PPIL6: variants seen among roughly 807,000 people sequenced by gnomAD.
The protein encoded by PPIL6 is probable inactive peptidyl-prolyl cis-trans isomerase-like 6.
PPIL6 carries 39 observed loss-of-function variants against 36.8 expected under a neutral mutation model. The observed-to-expected ratio is 1.06, with a 90% CI of 0.82 to 1.38. PPIL6 has a LOEUF of 1.38. PPIL6 is among the 40% of genes most tolerant of loss of function. PPIL6 has a pLI of 0.00. For missense variants in PPIL6, 368 were observed against 379.1 expected (o/e 0.97, Z 0.24); for synonymous variants, 123 against 134.1 (o/e 0.92, Z 0.57).
intron 7 of PPIL6, among the ~76,000 whole-genome samples, chr6:109,398,045 C>G (rs1475694186): frequency 6.6e-6 from 1 of 152,102 alleles, no homozygotes; most frequent in Non-Finnish European, 1.5e-5. Flanking sequence ...GTGTGTGCCA[C>G]CATGCCCAGC....
intron 6 of PPIL6, among the ~76,000 whole-genome samples, chr6:109,409,348 G>A (rs1010011673): frequency 1.3e-5 from 2 of 152,074 alleles, no homozygotes; most frequent in Non-Finnish European, 2.9e-5. Context: ...GATCACTTGA[G>A]GTCAGGAGTT....
At chr6:109,438,643 C>T (rs1774591599) in intron 1 of PPIL6, among the ~76,000 whole-genome samples, 1 of 151,678 alleles carries the variant, frequency 6.6e-6, no homozygotes, top group Non-Finnish European at 1.5e-5. Flanking sequence ...GGCTGGAGCA[C>T]AGTGGCACGA....
chr6:109,424,969 T>C (rs2115260488), intron 5 of PPIL6, among the ~76,000 whole-genome samples: 1 of 152,338 alleles, frequency 6.6e-6, no homozygotes, highest in Non-Finnish European at 1.5e-5. Flanking sequence ...ACTTTCCTAA[T>C]AAACTTACTT....
chr6:109,440,308 G>C, intron 1 of PPIL6, 148 bp downstream of exon 1: 1 of 1,038,166 alleles, frequency 9.6e-7, no homozygotes, highest in Non-Finnish European at 1.4e-6. Context: ...TCCAGACGGA[G>C]CCCGCCCGGC....
chr6:109,431,387 TG>T lies in PPIL6; in HGVS notation c.232-43del, dbSNP rs764821068. 7.7e-6 allele frequency: 11 copies of T among 1,422,988 alleles called. No homozygotes were observed. The African/African-American group carries it at 1.5e-4, about 20-fold the overall frequency. The allele number at this position is 1,422,988 out of a possible 1,614,324, so 88.1% of individuals were successfully genotyped here. ...CAAAAAAAAAAAAAAACGTAAGAAG[TG>T]GGGGGAAAACTTGCTAAACCCATAA... On this transcript the variant is annotated intron_variant, in intron 2 of 7. Coordinates refer to ENST00000521072, the MANE Select transcript of PPIL6 (RefSeq NM_173672.5).
rs535576994 is a variant in PPIL6, at chr6:109,417,466, A to T, written c.688+1721T>A. ...TTCAAATCCATGTTGCTCAAGGGTC[A>T]ACTGTATCCTATGAGCATGTCTTTC... On this transcript the variant is annotated intron_variant, in intron 6 of 7. Transcript: ENST00000521072. Among the ~76,000 whole-genome samples, 25 of 152,192 alleles carry T rather than the reference A, an allele frequency of 1.6e-4. No homozygotes were observed. The East Asian group carries it at 4.8e-3, about 29-fold the overall frequency.
At chr6:109,430,049 C>T (rs1774049260) in intron 3 of PPIL6, among the ~76,000 whole-genome samples, 1 of 152,216 alleles carries the variant, frequency 6.6e-6, no homozygotes, top group Admixed American at 6.5e-5. Flanking sequence ...TCCCCACACC[C>T]CAGAGTTTCT....
At chr6:109,399,908 G>A (rs1344364088) in intron 7 of PPIL6, 127 bp downstream of exon 7, 1 of 621,746 alleles carries the variant, frequency 1.6e-6, no homozygotes, top group Non-Finnish European at 2.5e-6. Flanking sequence ...GTCTCTATTT[G>A]TATTATTTTT....
At chr6:109,408,126 T>A (rs1475559000) in intron 6 of PPIL6, among the ~76,000 whole-genome samples, 1 of 152,244 alleles carries the variant, frequency 6.6e-6, no homozygotes, top group Non-Finnish European at 1.5e-5. Context: ...AAGTCTTGCA[T>A]GTTGATAAAC....
chr6:109,429,502 G>A (rs1425763136), intron 3 of PPIL6, among the ~76,000 whole-genome samples: 1 of 151,888 alleles, frequency 6.6e-6, no homozygotes, highest in East Asian at 1.9e-4. Context: ...CTCCTCACAG[G>A]GTCCCACCAC....
Position 109,392,742 on chromosome 6 carries a change from T to C in PPIL6, c.*84A>G. On this transcript the variant is annotated 3_prime_UTR_variant, in exon 8 of 8. Coordinates refer to ENST00000521072, the MANE Select transcript of PPIL6 (RefSeq NM_173672.5). ...TCTGCCACGGCTTTCAAATTACAATTTATCAAGTACTTTTTAATTAAATCC... is the reference window on the plus strand; with the variant it reads ...TCTGCCACGGCTTTCAAATTACAATCTATCAAGTACTTTTTAATTAAATCC... 1 of 859,936 alleles carries C rather than the reference T, an allele frequency of 1.2e-6. No homozygotes were observed. The highest frequency in any genetic ancestry group is 1.8e-6 in the Non-Finnish European group (1 of 548,580). The allele number at this position is 859,936 out of a possible 1,614,324, so 53.3% of individuals were successfully genotyped here. A position where few individuals can be genotyped will look rare whatever the true frequency, so the allele number is the denominator to read the frequency against.
intron 6 of PPIL6, among the ~76,000 whole-genome samples, chr6:109,405,635 T>G (rs1289806536): frequency 2.0e-5 from 3 of 152,134 alleles, no homozygotes; most frequent in Non-Finnish European, 4.4e-5. Flanking sequence ...TCGCCCCCAC[T>G]TACATTCTTC....
chr6:109,431,218 G>T lies in PPIL6; in HGVS notation c.359C>A (p.Pro120His), dbSNP rs1250065229. ...AGTGAGTGCGTCATAAAGTGCAGAGGGTTTAATGTCAACTATATCCCACAC... is the reference window on the plus strand; with the variant it reads ...AGTGAGTGCGTCATAAAGTGCAGAGTGTTTAATGTCAACTATATCCCACAC... ...HEVWDIVDIKPSALYDALTED... is the reference protein window; with the variant it reads ...HEVWDIVDIKHSALYDALTED... Residue 120 changes from proline (P) to histidine (H), a missense_variant, in exon 3 of 8, where the codon CCC (proline) becomes CAC (histidine). Coordinates refer to ENST00000521072, the MANE Select transcript of PPIL6 (RefSeq NM_173672.5). The T allele has an allele frequency of 6.2e-7, 1 of 1,613,928 alleles. No homozygotes were observed. The highest frequency in any genetic ancestry group is 2.2e-5 in the East Asian group (1 of 44,874).
chr6:109,435,793 C>T (rs545963367), intron 2 of PPIL6, among the ~76,000 whole-genome samples: 2 of 152,110 alleles, frequency 1.3e-5, no homozygotes, highest in East Asian at 3.9e-4. Flanking sequence ...GGTGTGGTGG[C>T]GTGTGCCTGT....
At chr6:109,434,281 C>T (rs766125683) in intron 2 of PPIL6, among the ~76,000 whole-genome samples, 8 of 152,044 alleles carry the variant, frequency 5.3e-5, no homozygotes, top group South Asian at 2.1e-4. Flanking sequence ...ATAAGCTGGG[C>T]ACAGTGGCTC....
chr6:109,411,630 T>C (rs1773017485), intron 6 of PPIL6, among the ~76,000 whole-genome samples: 1 of 152,210 alleles, frequency 6.6e-6, no homozygotes, highest in African/African-American at 2.4e-5. Context: ...TGGATAGTTA[T>C]CTTCTTGTTT....
intron 3 of PPIL6, among the ~76,000 whole-genome samples, chr6:109,428,995 A>G (rs780731920): frequency 2.0e-5 from 3 of 152,240 alleles, no homozygotes; most frequent in Non-Finnish European, 4.4e-5. Context: ...GAAAATGCCA[A>G]TAAGAGTTCA....
At chr6:109,398,748 A>G (rs893284905) in intron 7 of PPIL6, among the ~76,000 whole-genome samples, 4 of 152,218 alleles carry the variant, frequency 2.6e-5, no homozygotes, top group Non-Finnish European at 5.9e-5. Context: ...CATGATGTCC[A>G]TGGACAATTA....
intron 6 of PPIL6, among the ~76,000 whole-genome samples, chr6:109,404,611 A>G (rs1233037651): frequency 6.6e-6 from 1 of 152,238 alleles, no homozygotes; most frequent in Non-Finnish European, 1.5e-5. Context: ...CACAGGCCCT[A>G]GCACCATGTG....
Sources: gnomAD v4.1 joint callset for allele counts (sites outside exome capture counted in the v4.1 genomes callset) on GRCh38, gnomAD v4.1.1 for gene constraint, MANE v1.5 for transcripts, NCBI Gene and HGNC (gene_info 2026-07-23, HGNC 2026-07-21) for gene names.